CA5A: variants seen among roughly 807,000 people sequenced by gnomAD.
CA5A encodes the protein carbonic anhydrase 5A.
In CA5A, 28 loss-of-function variants were observed where a neutral mutation model predicts 37.1. That is an observed-to-expected ratio of 0.75 (90% CI 0.56 to 1.03). CA5A has a LOEUF of 1.03. Ranked by LOEUF, CA5A falls within the 50% of genes least tolerant of loss-of-function variation. CA5A has a pLI of 0.00. For missense variants in CA5A, 444 were observed against 399.9 expected, an observed-to-expected ratio of 1.11 and a Z score of -0.94; for synonymous variants, 171 against 158.4, an observed-to-expected ratio of 1.08 and a Z score of -0.60.
intron 2 of CA5A, among the ~76,000 whole-genome samples, chr16:87,924,950 A>C (rs866937585): frequency 6.6e-6 from 1 of 152,204 alleles, no homozygotes; most frequent in Non-Finnish European, 1.5e-5. Context: ...TCTCTCCCCA[A>C]TCACAGAGGA....
chr16:87,905,606 G>A (rs561273278), intron 2 of CA5A, among the ~76,000 whole-genome samples: 7 of 152,284 alleles, frequency 4.6e-5, no homozygotes, highest in South Asian at 4.1e-4. Flanking sequence ...TGATCCACCC[G>A]CCTCTGCCTC....
chr16:87,887,560 A>G (rs568998132), downstream of CA5A: 1 of 152,470 alleles, frequency 6.6e-6, no homozygotes, highest in East Asian at 2.0e-4. Flanking sequence ...GATTACAGAC[A>G]TGCAGCACCA....
At position 87,902,992 on chromosome 16, in the gene CA5A, G is replaced by A. The variant is rs58086225; in HGVS notation, c.460-472C>T. On this transcript the variant is annotated intron_variant, in intron 3 of 6. Transcript: ENST00000649794. ...ACCAGCAGCACCTCTGAGCTCCCAG[G>A]CCCTTGACGAAGCCACAGGAAGGAA... Among the ~76,000 whole-genome samples, 700 of 152,192 alleles carry A rather than the reference G, an allele frequency of 4.6e-3. 10 individuals are homozygous for A. The East Asian group carries it at 0.073, about 16-fold the overall frequency.
At chr16:87,898,869 G>A (rs1437481935) in intron 5 of CA5A, among the ~76,000 whole-genome samples, 1 of 151,798 alleles carries the variant, frequency 6.6e-6, no homozygotes, top group Non-Finnish European at 1.5e-5. Flanking sequence ...TGAGTAGCTG[G>A]GATTACAGGA....
chr16:87,922,561 T>A (rs1391311528), intron 2 of CA5A, among the ~76,000 whole-genome samples: 1 of 152,136 alleles, frequency 6.6e-6, no homozygotes, highest in African/African-American at 2.4e-5. Context: ...GCCAACAGGG[T>A]TGGGGCGTGG....
intron 1 of CA5A, among the ~76,000 whole-genome samples, chr16:87,928,790 A>G (rs1206261925): frequency 9.9e-6 from 1 of 100,694 alleles, no homozygotes; most frequent in Non-Finnish European, 1.8e-5. Flanking sequence ...TTTTTTTGAG[A>G]CGGAGTCTCA....
chr16:87,928,958 A>G (rs2144083312), intron 1 of CA5A, among the ~76,000 whole-genome samples: 1 of 148,536 alleles, frequency 6.7e-6, no homozygotes, highest in South Asian at 2.1e-4. Flanking sequence ...TTTCATAGAG[A>G]CGGGGTTTCA....
intron 5 of CA5A, among the ~76,000 whole-genome samples, chr16:87,896,951 C>CTT (rs2055811201): frequency 3.9e-5 from 6 of 152,240 alleles, no homozygotes; most frequent in Non-Finnish European, 8.8e-5. Context: ...GTTTTGTCTT[C>CTT]TTTCTCTTAA....
chr16:87,899,357 T>G (rs563006197), intron 5 of CA5A, among the ~76,000 whole-genome samples: 30 of 140,938 alleles, frequency 2.1e-4, no homozygotes, highest in African/African-American at 7.4e-4. Flanking sequence ...GCCTGGAGTG[T>G]AGTGGCACAA....
chr16:87,935,141 G>A (rs2056454735), intron 1 of CA5A, among the ~76,000 whole-genome samples: 1 of 152,220 alleles, frequency 6.6e-6, no homozygotes, highest in Non-Finnish European at 1.5e-5. Context: ...GCATGCCTGG[G>A]GTCTGGCTCC....
chr16:87,885,766 T>C (rs2055642889), downstream of CA5A: 1 of 152,452 alleles, frequency 6.6e-6, no homozygotes, highest in African/African-American at 2.4e-5. Context: ...GGTAGCCACG[T>C]GGTTCACTCC....
chr16:87,885,243 A>C (rs1268790488), downstream of CA5A: 7 of 159,568 alleles, frequency 4.4e-5, no homozygotes, highest in African/African-American at 1.7e-4. Context: ...AGAGTGGGAG[A>C]AGAGATTTGT....
intron 5 of CA5A, among the ~76,000 whole-genome samples, chr16:87,897,266 A>AG (rs1422922165): frequency 6.6e-6 from 1 of 152,218 alleles, no homozygotes; most frequent in African/African-American, 2.4e-5. Flanking sequence ...GGCAGGGAGG[A>AG]GGGGGGACCC....
At chr16:87,897,073 G>C (rs114096056) in intron 5 of CA5A, among the ~76,000 whole-genome samples, 2,220 of 152,374 alleles carry the variant, frequency 0.015, 49 homozygotes, top group African/African-American at 0.051. Context: ...TGTGGTGGCG[G>C]TAATGGGCTT....
intron 2 of CA5A, chr16:87,923,705 G>A: frequency 1.0e-6 from 1 of 985,356 alleles, no homozygotes; most frequent in Non-Finnish European, 1.2e-6. Flanking sequence ...ACAAACAAAA[G>A]TCCAAAATAA....
intron 2 of CA5A, among the ~76,000 whole-genome samples, chr16:87,916,353 T>G (rs1353732514): frequency 1.4e-5 from 2 of 142,880 alleles, no homozygotes; most frequent in Non-Finnish European, 3.1e-5. Flanking sequence ...CCCAAATATT[T>G]AGCATAAGTA....
At chr16:87,917,132 G>GAAAAGA (rs35434271) in intron 2 of CA5A, among the ~76,000 whole-genome samples, 205 of 145,708 alleles carry the variant, frequency 1.4e-3, no homozygotes, top group African/African-American at 4.2e-3. Context: ...GAAAAGAAAA[G>GAAAAGA]AAAGAAAAGA....
chr16:87,883,386 G>C (rs537748617), downstream of CA5A: 2 of 148,668 alleles, frequency 1.3e-5, no homozygotes, highest in Admixed American at 1.4e-4. Flanking sequence ...CTGGAGTACA[G>C]TGGCACGATC....
intron 1 of CA5A, among the ~76,000 whole-genome samples, chr16:87,933,142 A>T (rs567924938): frequency 5.1e-4 from 78 of 152,312 alleles, no homozygotes; most frequent in African/African-American, 1.8e-3. Context: ...CTGAGCAGGA[A>T]ATAGCCAGTA....
Sources: allele counts gnomAD v4.1 joint callset (sites outside exome capture counted in the v4.1 genomes callset), GRCh38; gene constraint gnomAD v4.1.1; transcripts MANE v1.5; gene names NCBI Gene and HGNC (gene_info 2026-07-23, HGNC 2026-07-21).